Variants in SNTB1 observed in about 807,000 individuals in gnomAD.
SNTB1 encodes the protein syntrophin beta 1, also known as beta-1-syntrophin.
In SNTB1, 36 loss-of-function variants were observed where a neutral mutation model predicts 48.9. The ratio of observed to expected loss-of-function variants is 0.74; its 90% CI spans 0.56 to 0.97. SNTB1 has a LOEUF of 0.97. Among genes scored for constraint, SNTB1 ranks in the 50% least tolerant of loss-of-function variants. The pLI is 0.00. For missense variants in SNTB1, 786 were observed against 703.4 expected (o/e 1.12, Z -1.33); for synonymous variants, 299 against 294.6 (o/e 1.01, Z -0.15).
At chr8:120,609,807 G>C (rs930928792) in intron 3 of SNTB1, among the ~76,000 whole-genome samples, 1 of 152,180 alleles carries the variant, frequency 6.6e-6, no homozygotes, top group African/African-American at 2.4e-5. Flanking sequence ...GTACACACAA[G>C]TATTCCAGCA....
intron 3 of SNTB1, among the ~76,000 whole-genome samples, chr8:120,577,769 G>A (rs774757318): frequency 3.9e-5 from 6 of 152,172 alleles, no homozygotes; most frequent in African/African-American, 7.2e-5. Context: ...TTCTCTACTG[G>A]TGGAATCACA....
chr8:120,759,654 T>G (rs1294151789), intron 1 of SNTB1, among the ~76,000 whole-genome samples: 1 of 152,198 alleles, frequency 6.6e-6, no homozygotes, highest in Non-Finnish European at 1.5e-5. Flanking sequence ...ATCCAGCCCT[T>G]GGATCATCAT....
At chr8:120,627,892 C>T (rs542418788) in intron 3 of SNTB1, among the ~76,000 whole-genome samples, 4 of 152,234 alleles carry the variant, frequency 2.6e-5, no homozygotes, top group East Asian at 1.9e-4. Context: ...CTACCACATA[C>T]TAGAGGAGAG....
intron 1 of SNTB1, among the ~76,000 whole-genome samples, chr8:120,753,248 A>C (rs11988273): frequency 0.026 from 3,964 of 152,194 alleles, 162 homozygotes; most frequent in African/African-American, 0.089. Flanking sequence ...AGACCAGTCC[A>C]CCCACATGCT....
chr8:120,669,179 C>T (rs976911874), intron 2 of SNTB1, among the ~76,000 whole-genome samples: 4 of 152,146 alleles, frequency 2.6e-5, no homozygotes, highest in African/African-American at 7.2e-5. Context: ...CCAGAGTGGG[C>T]GCTATTCTAA....
intron 4 of SNTB1, among the ~76,000 whole-genome samples, chr8:120,573,158 T>A (rs1249694711): frequency 6.6e-6 from 1 of 152,210 alleles, no homozygotes; most frequent in East Asian, 1.9e-4. Flanking sequence ...TACAAGGATT[T>A]CCTTTTCTCC....
chr8:120,789,852 T>C (rs1022680115), intron 1 of SNTB1, among the ~76,000 whole-genome samples: 50 of 151,864 alleles, frequency 3.3e-4, no homozygotes, highest in African/African-American at 1.2e-3. Context: ...ATTCCAAAGA[T>C]TGAGAAGGAG....
intron 1 of SNTB1, among the ~76,000 whole-genome samples, chr8:120,791,793 A>T (rs536330972): frequency 1.3e-5 from 2 of 152,182 alleles, no homozygotes; most frequent in African/African-American, 4.8e-5. Context: ...AAAATTTTTT[A>T]AAACCCACAC....
chr8:120,621,524 G>A (rs1415436472), intron 3 of SNTB1, among the ~76,000 whole-genome samples: 3 of 152,184 alleles, frequency 2.0e-5, no homozygotes, highest in African/African-American at 7.2e-5. Context: ...CACATGTTTT[G>A]TGAGCCAAAA....
chr8:120,671,581 C>T (rs1049526897), intron 2 of SNTB1, among the ~76,000 whole-genome samples: 5 of 152,276 alleles, frequency 3.3e-5, no homozygotes, highest in Admixed American at 1.3e-4. Context: ...CTAGAGGCTT[C>T]GAAGTGGTAC....
chr8:120,784,388 A>G (rs1435231580), intron 1 of SNTB1, among the ~76,000 whole-genome samples: 1 of 152,160 alleles, frequency 6.6e-6, no homozygotes, highest in East Asian at 1.9e-4. Flanking sequence ...AGGGATGACT[A>G]TACTAGATCT....
Position 120,764,856 on chromosome 8 carries a change from A to G in SNTB1, c.571+46417T>C, listed in dbSNP as rs574353158. 1.3e-3 allele frequency among the ~76,000 whole-genome samples: 195 copies of G among 152,220 alleles called. 1 individual carries two copies. Among genetic ancestry groups the G allele is most frequent in the African/African-American group, 4.5e-3 (188 of 41,516 alleles). On this transcript the variant is annotated intron_variant, in intron 1 of 6. Transcript: ENST00000517992. Reference sequence around the variant, plus strand: ...TGACAGATTCTTTGTTGCCTCCCTAATATCAATTCTCTCTTTCTTCACAAA... The same window carrying G: ...TGACAGATTCTTTGTTGCCTCCCTAGTATCAATTCTCTCTTTCTTCACAAA...
At chr8:120,730,559 C>A (rs926173935) in intron 1 of SNTB1, among the ~76,000 whole-genome samples, 2 of 152,118 alleles carry the variant, frequency 1.3e-5, no homozygotes, top group Admixed American at 6.6e-5. Context: ...GATTTTACAA[C>A]AAACTGTTTT....
chr8:120,760,591 C>T (rs564576224), intron 1 of SNTB1, among the ~76,000 whole-genome samples: 49 of 152,230 alleles, frequency 3.2e-4, no homozygotes, highest in African/African-American at 1.2e-3. Context: ...TGAAGCTTAA[C>T]CAGGTTTGCA....
rs28456275 is a variant in SNTB1, at chr8:120,557,876, C to T, written c.1137-8918G>A. ...AGGAAAGTATACACATACACAAACA[C>T]ACAACACAACACAATTCTGAAATAT... is the stretch of plus-strand genomic sequence containing the variant. On this transcript the variant is annotated intron_variant, in intron 4 of 6. Transcript: ENST00000517992. Among the ~76,000 whole-genome samples the T allele has an allele frequency of 5.3e-3, 806 of 152,266 alleles. 5 individuals are homozygous for T. The highest frequency in any genetic ancestry group is 0.019 in the African/African-American group (778 of 41,568).
chr8:120,731,885 A>G (rs534945174), intron 1 of SNTB1, among the ~76,000 whole-genome samples: 5 of 152,340 alleles, frequency 3.3e-5, no homozygotes, highest in African/African-American at 1.2e-4. Flanking sequence ...AACAGAAAAC[A>G]TTCAGTATTC....
chr8:120,640,262 T>C (rs201238993), intron 2 of SNTB1, among the ~76,000 whole-genome samples: 2 of 152,136 alleles, frequency 1.3e-5, no homozygotes, highest in Non-Finnish European at 2.9e-5. Flanking sequence ...TGCTTATCAG[T>C]TTAAGGAGAT....
intron 2 of SNTB1, among the ~76,000 whole-genome samples, chr8:120,640,838 T>TC (rs1208179741): frequency 1.3e-5 from 2 of 151,888 alleles, no homozygotes; most frequent in Admixed American, 6.6e-5. Flanking sequence ...TCTAAAATTC[T>TC]TTTTTTTGTT....
intron 1 of SNTB1, among the ~76,000 whole-genome samples, chr8:120,789,723 T>C (rs956130085): frequency 2.0e-5 from 3 of 151,850 alleles, no homozygotes; most frequent in Non-Finnish European, 4.4e-5. Context: ...TAAAAAGCAA[T>C]GAGATTGACT....
Sources: gnomAD v4.1 joint callset for allele counts (sites outside exome capture counted in the v4.1 genomes callset) on GRCh38, gnomAD v4.1.1 for gene constraint, MANE v1.5 for transcripts, NCBI Gene and HGNC (gene_info 2026-07-23, HGNC 2026-07-21) for gene names.